Variants in RGL3 observed in about 807,000 individuals in gnomAD.
RGL3 encodes ral guanine nucleotide dissociation stimulator like 3, also known as ral guanine nucleotide dissociation stimulator-like 3.
In RGL3, 85 loss-of-function variants were observed where a neutral mutation model predicts 90.6. The observed-to-expected ratio is 0.94, with a 90% CI of 0.79 to 1.12. The LOEUF (loss-of-function observed/expected upper bound fraction) is 1.12. Ranked by LOEUF, RGL3 falls within the 50% of genes most tolerant of loss-of-function variation. RGL3 has a pLI of 0.00. For synonymous variants in RGL3, 408 were observed against 385.5 expected (o/e 1.06, Z -0.68); for missense variants, 1,034 against 939.2 (o/e 1.10, Z -1.32).
chr19:11,398,728 T>C (rs1030534940), intron 16 of RGL3, among the ~76,000 whole-genome samples: 3 of 151,960 alleles, frequency 2.0e-5, no homozygotes, highest in African/African-American at 7.3e-5. Flanking sequence ...TGGAGTGCAG[T>C]GGCACCATCT....
chr19:11,405,412 C>G lies in RGL3; in HGVS notation c.1011G>C (p.Leu337=). Residue 337 remains leucine (L), a synonymous_variant, in exon 8 of 19, where the codon CTG becomes CTC. Transcript: ENST00000380456. ...TGGCGCGCAAGGAGGAGAAGTTCCG[C>G]AGTTCTCGGCAGCGCTGCCAGGCGG... ...WIRIAQRCRE[L]RNFSSLRAIL... is the part of the protein sequence containing the mutation. 1 of 1,575,070 alleles carries G rather than the reference C, an allele frequency of 6.3e-7. No homozygotes were observed. The highest frequency in any genetic ancestry group is 8.6e-7 in the Non-Finnish European group (1 of 1,159,944).
intron 13 of RGL3, 44 bp from the exon 14 acceptor site, chr19:11,400,341 C>A: frequency 6.7e-7 from 1 of 1,496,476 alleles, no homozygotes; most frequent in Non-Finnish European, 9.0e-7. Context: ...GCAGGAAATA[C>A]AGGGGATGGA....
rs763888621 is a variant in RGL3 at position 11,416,892 on chromosome 19, G to A, written c.315C>T (p.Pro105=). The change falls in exon 3 of 19, where the codon CCC becomes CCT. Residue 105 remains proline, a synonymous_variant. Transcript: ENST00000380456. ...GCAGAAAGCCCAGCAGGCAGGCAGTGGGTACAAAGGTCCGGTAGGTGGCCA... is the reference window on the plus strand; with the variant it reads ...GCAGAAAGCCCAGCAGGCAGGCAGTAGGTACAAAGGTCCGGTAGGTGGCCA... The part of the protein sequence containing the change: ...AFLATYRTFV[P]TACLLGFLLP... The A allele has an allele frequency of 3.9e-5, 63 of 1,613,998 alleles. 1 individual carries two copies. In the South Asian group the frequency reaches 6.7e-4, roughly 17 times the overall value.
Position 11,416,396 on chromosome 19 carries a change from G to A in RGL3, c.425+218C>T, listed in dbSNP as rs568210719. On this transcript the variant is annotated intron_variant, in intron 4 of 18. Coordinates refer to ENST00000380456, the MANE Select transcript of RGL3 (RefSeq NM_001035223.4). ...GTATTTTTAGTAGAGACAGGGTTTCGCCATATTGGCCAGGATGGTCTCTAA... is the reference window on the plus strand; with the variant it reads ...GTATTTTTAGTAGAGACAGGGTTTCACCATATTGGCCAGGATGGTCTCTAA... 6.2e-4 allele frequency: 383 copies of A among 621,574 alleles called. 3 individuals carry two copies. In the East Asian group the frequency reaches 9.4e-3, roughly 15 times the overall value. The allele number at this position is 621,574 out of a possible 1,614,324, so 38.5% of individuals were successfully genotyped here.
At chr19:11,409,275 T>C (rs1968834452) in intron 5 of RGL3, among the ~76,000 whole-genome samples, 1 of 151,420 alleles carries the variant, frequency 6.6e-6, no homozygotes, top group Non-Finnish European at 1.5e-5. Flanking sequence ...GGTCAGGAGA[T>C]CGAGACCATC....
At chr19:11,398,873 G>A (rs914219427) in intron 16 of RGL3, among the ~76,000 whole-genome samples, 31 of 151,312 alleles carry the variant, frequency 2.0e-4, no homozygotes, top group African/African-American at 6.6e-4. Context: ...GTTTCACCAC[G>A]TTGGCCAGGA....
chr19:11,418,616 C>T, intron 2 of RGL3, 55 bp downstream of exon 2: 1 of 1,393,598 alleles, frequency 7.2e-7, no homozygotes, highest in Non-Finnish European at 9.8e-7. Flanking sequence ...CTCTCCAGCT[C>T]CGCCCTCAAC....
intron 5 of RGL3, chr19:11,408,751 G>C (rs1350942376): frequency 6.6e-6 from 1 of 152,174 alleles, no homozygotes; most frequent in African/African-American, 2.4e-5. Context: ...AGACATTTGT[G>C]TCTTTGAAAA....
intron 18 of RGL3, among the ~76,000 whole-genome samples, chr19:11,396,596 A>G (rs1004394068): frequency 3.4e-5 from 5 of 145,910 alleles, no homozygotes; most frequent in African/African-American, 1.3e-4. Context: ...GTGAGCCACC[A>G]TGCCCAGCCC....
chr19:11,395,146 G>A (rs1968543139), intron 18 of RGL3, among the ~76,000 whole-genome samples: 1 of 150,226 alleles, frequency 6.7e-6, no homozygotes, highest in East Asian at 1.9e-4. Context: ...AAAAGTTTGG[G>A]CAAACTTAGA....
At chr19:11,395,481 G>A (rs982737293) in intron 18 of RGL3, among the ~76,000 whole-genome samples, 13 of 152,272 alleles carry the variant, frequency 8.5e-5, no homozygotes, top group Admixed American at 8.5e-4. Flanking sequence ...GGTCCCAGTG[G>A]TGAACAAACT....
chr19:11,417,159 T>G lies in RGL3; in HGVS notation c.148-100A>C, dbSNP rs560679992. On this transcript the variant is annotated intron_variant, in intron 2 of 18. Transcript: ENST00000380456. ...ACTAGCACCACTCTTTTTTTTTTTG[T>G]TTTTTTTTTTGAGACAGAGTCTCAC... is the stretch of plus-strand genomic sequence containing the variant. 531 of 660,400 alleles carry G rather than the reference T, an allele frequency of 8.0e-4. 1 individual carries two copies. Among genetic ancestry groups the G allele is most frequent in the African/African-American group, 5.7e-3 (293 of 51,096 alleles). The allele number at this position is 660,400 out of a possible 1,614,324, so 40.9% of individuals were successfully genotyped here.
Position 11,402,105 on chromosome 19 carries a change from GCTGGATGCGGGCCAGGATCTCCCACTC to G in RGL3, c.1363_1389del (p.Glu455_Gln463del). On this transcript the variant is annotated inframe_deletion and splice_region_variant, in exon 13 of 19. Transcript: ENST00000380456. ...TAGCTCTGACAGCGCCTCTGCAGCT[GCTGGATGCGGGCCAGGATCTCCCACTC>G]CTGGAGGACGAGCCTCTAAGACCCT... The G allele has an allele frequency of 1.2e-6, 2 of 1,602,184 alleles. No individual in the cohort carries two copies. Among genetic ancestry groups the G allele is most frequent in the African/African-American group, 2.7e-5 (2 of 74,882 alleles).
At chr19:11,397,788 C>A (rs1447984278) in intron 16 of RGL3, 191 bp from the exon 17 acceptor site, 1 of 486,604 alleles carries the variant, frequency 2.1e-6, no homozygotes, top group Non-Finnish European at 3.4e-6. Context: ...GTGGGCGGAT[C>A]ACTTGAGGTC....
intron 5 of RGL3, among the ~76,000 whole-genome samples, chr19:11,414,171 ATATATACACC>A (rs1968925443): frequency 2.8e-5 from 3 of 108,188 alleles, no homozygotes; most frequent in African/African-American, 1.1e-4. Flanking sequence ...ATATATATAT[ATATATACACC>A]TATATATATA....
Position 11,401,919 on chromosome 19 carries a change from G to A in RGL3, c.1484+92C>T, listed in dbSNP as rs1048629786. 5.5e-4 allele frequency: 800 copies of A among 1,463,032 alleles called. 1 individual carries two copies. Among genetic ancestry groups the A allele is most frequent in the Non-Finnish European group, 6.1e-4 (678 of 1,105,764 alleles). 90.6% of individuals were successfully genotyped at this position (1,463,032 alleles called of 1,614,324 possible). A position where few individuals can be genotyped will look rare whatever the true frequency, so the allele number is the denominator to read the frequency against. Reference sequence around the variant, plus strand: ...ATCAGGGCTCAAGAGGGGGTCTTGGGAGGAGCTGGAGGTGTGTATGGAGTG... The same window carrying A: ...ATCAGGGCTCAAGAGGGGGTCTTGGAAGGAGCTGGAGGTGTGTATGGAGTG... On this transcript the variant is annotated intron_variant, in intron 13 of 18. Transcript: ENST00000380456.
Position 11,418,728 on chromosome 19 carries a change from G to T in RGL3, c.90C>A (p.Ser30=). 1 of 1,578,322 alleles carries T rather than the reference G, an allele frequency of 6.3e-7. No homozygotes were observed. The highest frequency in any genetic ancestry group is 8.6e-7 in the Non-Finnish European group (1 of 1,166,628). Residue 30 remains serine (S), a synonymous_variant, in exon 2 of 19, where the codon TCC becomes TCA. Coordinates refer to ENST00000380456, the MANE Select transcript of RGL3 (RefSeq NM_001035223.4). ...ETEDGAVYSV[S]LRRQRSQRRS... is the part of the protein sequence containing the mutation. ...TGCGCTGACTGCGCTGCCGCCGCAGGGAGACACTGTACACCGCGCCGTCCT... is the reference window on the plus strand; with the variant it reads ...TGCGCTGACTGCGCTGCCGCCGCAGTGAGACACTGTACACCGCGCCGTCCT...
chr19:11,401,648 G>T (rs146155493), intron 13 of RGL3, among the ~76,000 whole-genome samples: 2 of 151,644 alleles, frequency 1.3e-5, no homozygotes, highest in Non-Finnish European at 2.9e-5. Context: ...TGATTCACCC[G>T]CCTCGGCCTC....
At chr19:11,407,704 T>A (rs79335861) in intron 5 of RGL3, among the ~76,000 whole-genome samples, 1 of 150,206 alleles carries the variant, frequency 6.7e-6, no homozygotes, top group Non-Finnish European at 1.5e-5. Context: ...TTTTTTTTTT[T>A]AAGACGGAGT....
Sources: gnomAD v4.1 joint callset for allele counts (sites outside exome capture counted in the v4.1 genomes callset) on GRCh38, gnomAD v4.1.1 for gene constraint, MANE v1.5 for transcripts, NCBI Gene and HGNC (gene_info 2026-07-23, HGNC 2026-07-21) for gene names.